PHF20: variants seen among roughly 807,000 people sequenced by gnomAD.
PHF20 encodes the protein glioma-expressed antigen 2.
PHF20 carries 23 observed loss-of-function variants against 113.5 expected under a neutral mutation model. The ratio of observed to expected loss-of-function variants is 0.20; its 90% CI spans 0.15 to 0.29. The LOEUF is 0.29. Ranked by LOEUF, PHF20 falls within the 10% of genes least tolerant of loss-of-function variation. The probability of loss-of-function intolerance (pLI) is 1.00; values close to 1 mark genes in which losing one functional copy is unlikely to be tolerated. For synonymous variants in PHF20, 434 were observed against 457.3 expected (o/e 0.95, Z 0.65); for missense variants, 943 against 1,219.6 (o/e 0.77, Z 3.38).
At chr20:35,786,046 C>CAA (rs1321493697) in intron 1 of PHF20, among the ~76,000 whole-genome samples, 1 of 133,118 alleles carries the variant, frequency 7.5e-6, no homozygotes, top group Non-Finnish European at 1.6e-5. Flanking sequence ...AAAAAAAAAA[C>CAA]AAAAAAAAAA....
intron 2 of PHF20, among the ~76,000 whole-genome samples, chr20:35,816,894 C>T (rs543712226): frequency 4.7e-5 from 7 of 150,474 alleles, no homozygotes; most frequent in African/African-American, 9.8e-5. Context: ...TGGGTTCTAG[C>T]GATTCTCTTG....
At chr20:35,922,604 T>A (rs1049219536) in intron 13 of PHF20, among the ~76,000 whole-genome samples, 3 of 152,232 alleles carry the variant, frequency 2.0e-5, no homozygotes, top group African/African-American at 7.2e-5. Context: ...GTTAAAATCC[T>A]ACTTAATAAA....
At chr20:35,777,898 A>G (rs1207171633) in intron 1 of PHF20, among the ~76,000 whole-genome samples, 3 of 152,214 alleles carry the variant, frequency 2.0e-5, no homozygotes, top group Non-Finnish European at 1.5e-5. Context: ...AAATAACTTA[A>G]CAAATGAATA....
In PHF20 at chr20:35,842,732, G is replaced by A. The variant is rs1237482228; in HGVS notation, c.243G>A (p.Glu81=). Residue 81 remains glutamate, a synonymous_variant, in exon 3 of 18, where the codon GAG becomes GAA. Transcript: ENST00000374012. ...TGAGGAAAGAGGGCTTGCATGAAGAGGATGGATCTTCTGTGAGTAACAAAT... is the reference window on the plus strand; with the variant it reads ...TGAGGAAAGAGGGCTTGCATGAAGAAGATGGATCTTCTGTGAGTAACAAAT... ...IQLRKEGLHE[E]DGSSEFQINE... The A allele has an allele frequency of 6.2e-7, 1 of 1,613,566 alleles. No homozygotes were observed. The highest frequency in any genetic ancestry group is 8.5e-7 in the Non-Finnish European group (1 of 1,179,788).
chr20:35,895,681 C>CTTTT lies in PHF20; in HGVS notation c.1283-3670_1283-3667dup, dbSNP rs762279629. On this transcript the variant is annotated intron_variant, in intron 9 of 17. Transcript: ENST00000374012. ...TCACATCGTGTCACTTTTGCTTCTC[C>CTTTT]TTTTTTTTTTTTTTTTTTTTTTGAG... Among the ~76,000 whole-genome samples, 169 of 116,758 alleles carry CTTTT rather than the reference C, an allele frequency of 1.4e-3. 3 individuals carry two copies. The highest frequency in any genetic ancestry group is 3.5e-3 in the African/African-American group (101 of 28,576). 76.6% of individuals were successfully genotyped at this position (116,758 alleles called of 152,430 possible).
At position 35,940,952 on chromosome 20, in the gene PHF20, C is replaced by T. The variant is rs767148539; in HGVS notation, c.2801C>T (p.Ser934Phe). 3.1e-6 allele frequency: 5 copies of T among 1,614,064 alleles called. No homozygotes were observed. The highest frequency in any genetic ancestry group is 4.2e-6 in the Non-Finnish European group (5 of 1,180,016). Residue 934 changes from serine (S) to phenylalanine (F), a missense_variant, in exon 17 of 18, where the codon TCC (serine) becomes TTC (phenylalanine). By Grantham distance (155) the Ser-to-Phe change is radical. Around this residue, in one of 3 missense-constraint regions of PHF20, gnomAD observed 349 missense variants for 412.3 expected, o/e 0.85. Transcript: ENST00000374012. ...AGAGGTGGAGAGGGGCTGCTGAGCTCCCAGCACCAGTGGCAGTTTAACCTG... is the reference window on the plus strand; with the variant it reads ...AGAGGTGGAGAGGGGCTGCTGAGCTTCCAGCACCAGTGGCAGTTTAACCTG... ...LDRGGEGLLSSQHQWQFNLLT... is the reference protein window; with the variant it reads ...LDRGGEGLLSFQHQWQFNLLT...
chr20:35,775,785 T>G (rs62211712), intron 1 of PHF20, among the ~76,000 whole-genome samples: 2,158 of 147,290 alleles, frequency 0.015, 28 homozygotes, highest in Non-Finnish European at 0.023. Context: ...GGCCAAAACT[T>G]CTCCAGGAGT....
intron 4 of PHF20, among the ~76,000 whole-genome samples, chr20:35,850,313 T>TG (rs2042700322): frequency 8.2e-6 from 1 of 121,214 alleles, no homozygotes; most frequent in East Asian, 2.3e-4. Context: ...TTTTTTTTTT[T>TG]TTTTTTTTTT....
chr20:35,905,890 C>G, intron 10 of PHF20, among the ~76,000 whole-genome samples: 1 of 152,232 alleles, frequency 6.6e-6, no homozygotes, highest in Non-Finnish European at 1.5e-5. Flanking sequence ...TCAGCCAAGC[C>G]TTTAGTTGCA....
chr20:35,806,572 G>T lies in PHF20; in HGVS notation c.83+4967G>T, dbSNP rs2041884922. Among the ~76,000 whole-genome samples, 3 of 152,020 alleles carry T rather than the reference G, an allele frequency of 2.0e-5. 1 individual carries two copies. In the South Asian group the frequency reaches 6.2e-4, roughly 32 times the overall value. Reference sequence around the variant, plus strand: ...ACCAGTTGCTCCAATATCATGTTTAGAATAGTCCATTCTTTCCCTATTGAC... The same window carrying T: ...ACCAGTTGCTCCAATATCATGTTTATAATAGTCCATTCTTTCCCTATTGAC... On this transcript the variant is annotated intron_variant, in intron 2 of 17. Transcript: ENST00000374012.
chr20:35,905,272 T>G (rs1158803323), intron 10 of PHF20, among the ~76,000 whole-genome samples: 1 of 152,160 alleles, frequency 6.6e-6, no homozygotes, highest in African/African-American at 2.4e-5. Flanking sequence ...CAGATTCAGA[T>G]TTTGCCTGTA....
At chr20:35,913,128 A>AG in intron 10 of PHF20, 121 bp from the exon 11 acceptor site, 4 of 520,516 alleles carry the variant, frequency 7.7e-6, no homozygotes, top group South Asian at 5.0e-5. Context: ...AGACTGGAGC[A>AG]ATCTGCTCCA....
intron 9 of PHF20, among the ~76,000 whole-genome samples, chr20:35,888,011 G>A (rs905525955): frequency 2.9e-5 from 4 of 139,936 alleles, no homozygotes; most frequent in East Asian, 2.1e-4. Flanking sequence ...ACAGAGTTTC[G>A]CTCTTGTTGC....
At chr20:35,812,593 T>C (rs1428672545) in intron 2 of PHF20, among the ~76,000 whole-genome samples, 1 of 152,214 alleles carries the variant, frequency 6.6e-6, no homozygotes, top group African/African-American at 2.4e-5. Context: ...AAATGAGGTC[T>C]AGACTTCAGA....
At chr20:35,881,246 C>G (rs2054627519) in intron 9 of PHF20, among the ~76,000 whole-genome samples, 1 of 151,628 alleles carries the variant, frequency 6.6e-6, no homozygotes, top group Admixed American at 6.6e-5. Flanking sequence ...TTAGTAGAGG[C>G]TGGGTTTCAC....
intron 4 of PHF20, among the ~76,000 whole-genome samples, chr20:35,855,926 G>T (rs1385364538): frequency 6.6e-6 from 1 of 151,994 alleles, no homozygotes; most frequent in Non-Finnish European, 1.5e-5. Context: ...TGATTCACCC[G>T]CCTCGGTCTC....
chr20:35,837,331 G>C (rs1320378284), intron 2 of PHF20, among the ~76,000 whole-genome samples: 1 of 152,114 alleles, frequency 6.6e-6, no homozygotes, highest in Non-Finnish European at 1.5e-5. Flanking sequence ...CTCCTCCTAA[G>C]AGCTAATTTT....
chr20:35,893,065 C>G (rs565373752), intron 9 of PHF20, among the ~76,000 whole-genome samples: 11 of 152,350 alleles, frequency 7.2e-5, no homozygotes, highest in Middle Eastern at 6.8e-3. Context: ...TCACTTGAGC[C>G]TCTCTGATCC....
intron 9 of PHF20, among the ~76,000 whole-genome samples, chr20:35,879,852 G>A (rs2054595831): frequency 6.6e-6 from 1 of 151,784 alleles, no homozygotes; most frequent in Non-Finnish European, 1.5e-5. Context: ...AGCCGGGTGT[G>A]GTGGCATGTG....
Sources: gnomAD v4.1 joint callset for allele counts (sites outside exome capture counted in the v4.1 genomes callset) on GRCh38, gnomAD v4.1.1 for gene constraint, gnomAD v4.1.1 regional missense constraint, MANE v1.5 for transcripts, NCBI Gene and HGNC (gene_info 2026-07-23, HGNC 2026-07-21) for gene names.